GLI2: variants seen among roughly 807,000 people sequenced by gnomAD.
GLI2 encodes GLI family zinc finger 2, also known as transcription activator GLI2.
A neutral mutation model predicts 78.9 loss-of-function variants in GLI2; 22 were observed. The observed-to-expected ratio is 0.28, with a 90% CI of 0.20 to 0.40. GLI2 has a LOEUF of 0.40. Among genes scored for constraint, GLI2 ranks in the 10% least tolerant of loss-of-function variants. GLI2 has a pLI of 1.00. For synonymous variants in GLI2, 974 were observed against 963.7 expected, an observed-to-expected ratio of 1.01 and a Z score of -0.20; for missense variants, 2,097 against 2,213.2, an observed-to-expected ratio of 0.95 and a Z score of 1.05.
chr2:120,972,987 G>A (rs1331196304), intron 8 of GLI2, among the ~76,000 whole-genome samples: 1 of 152,102 alleles, frequency 6.6e-6, no homozygotes, highest in Non-Finnish European at 1.5e-5. Context: ...CTCTCATGGT[G>A]GCCCAGTCTT....
chr2:120,783,734 T>C (rs755629442), intron 1 of GLI2, among the ~76,000 whole-genome samples: 23 of 152,214 alleles, frequency 1.5e-4, no homozygotes, highest in Non-Finnish European at 2.8e-4. Flanking sequence ...TTCCTCCTCC[T>C]CCTCCCTCCA....
chr2:120,798,724 A>G (rs1176566646), intron 2 of GLI2, among the ~76,000 whole-genome samples: 1 of 151,962 alleles, frequency 6.6e-6, no homozygotes, highest in Non-Finnish European at 1.5e-5. Context: ...GGGGTGGAGG[A>G]AGAGCTCTTA....
intron 1 of GLI2, among the ~76,000 whole-genome samples, chr2:120,763,171 C>G (rs1300023996): frequency 6.6e-6 from 1 of 152,224 alleles, no homozygotes; most frequent in Non-Finnish European, 1.5e-5. Context: ...CAGGCCCTTT[C>G]TTGTGCCTCC....
intron 2 of GLI2, among the ~76,000 whole-genome samples, chr2:120,899,048 A>G (rs1176074100): frequency 1.3e-5 from 2 of 152,180 alleles, no homozygotes; most frequent in Non-Finnish European, 2.9e-5. Flanking sequence ...CTGGCTGCTC[A>G]CGCATTTACG....
chr2:120,838,139 G>A (rs1003020556), intron 2 of GLI2, among the ~76,000 whole-genome samples: 1 of 151,984 alleles, frequency 6.6e-6, no homozygotes, highest in African/African-American at 2.4e-5. Flanking sequence ...ATACTTATTG[G>A]TTATTTTATG....
At chr2:120,929,236 C>G (rs1023064701) in intron 3 of GLI2, among the ~76,000 whole-genome samples, 1 of 152,186 alleles carries the variant, frequency 6.6e-6, no homozygotes, top group Non-Finnish European at 1.5e-5. Context: ...GATCTTCACG[C>G]TTCTCACTGC....
intron 2 of GLI2, among the ~76,000 whole-genome samples, chr2:120,827,084 G>A (rs941082343): frequency 1.3e-5 from 2 of 152,206 alleles, no homozygotes; most frequent in African/African-American, 4.8e-5. Context: ...CCATGCCAGT[G>A]GTTTGTTGAC....
intron 5 of GLI2, among the ~76,000 whole-genome samples, chr2:120,961,487 A>G (rs1681559132): frequency 6.6e-6 from 1 of 152,192 alleles, no homozygotes; most frequent in Non-Finnish European, 1.5e-5. Flanking sequence ...AAAGCCACAC[A>G]GACTGTCCCG....
rs373517254 is a variant in GLI2, at chr2:120,768,396, T to A, written c.-30-28895T>A. On this transcript the variant is annotated intron_variant, in intron 1 of 13. Coordinates refer to ENST00000361492, the MANE Select transcript of GLI2 (RefSeq NM_001374353.1). ...CCATGGGAAGGTGGGCTACTGTGGG[T>A]GGGCCTGTTGAACTGCAGGTGAGAA... is the stretch of plus-strand genomic sequence containing the variant. Among the ~76,000 whole-genome samples the A allele has an allele frequency of 7.9e-5, 12 of 152,346 alleles. No homozygotes were observed. The East Asian group carries it at 1.7e-3, about 22-fold the overall frequency.
At chr2:120,882,672 G>A (rs1013514268) in intron 2 of GLI2, among the ~76,000 whole-genome samples, 6 of 152,298 alleles carry the variant, frequency 3.9e-5, no homozygotes, top group Admixed American at 3.9e-4. Context: ...GGATCTGACC[G>A]CCATCCAGGA....
In GLI2 at chr2:120,989,716, C is replaced by G. The variant is rs1469916040; in HGVS notation, c.3751C>G (p.Gln1251Glu). The G allele has an allele frequency of 6.2e-7, 1 of 1,613,248 alleles. No homozygotes were observed. Among genetic ancestry groups the G allele is most frequent in the Non-Finnish European group, 8.5e-7 (1 of 1,179,988 alleles). The change falls in exon 14 of 14, where the codon CAA (glutamine) becomes GAA (glutamate). Residue 1251 changes from glutamine (Q) to glutamate (E), a missense_variant. By Grantham distance (29) the Gln-to-Glu change is conservative (BLOSUM62 2). Transcript: ENST00000361492. ...CAGTGGGGCCCTCAACCAGTTCCCC[C>G]AATCCTGCAGCAACATGCCAGCCAA... ...TISGALNQFP[Q>E]SCSNMPAKPG...
chr2:120,990,619 A>G lies in GLI2; in HGVS notation c.4654A>G (p.Ser1552Gly). The change falls in exon 14 of 14, where the codon AGC becomes GGC. Residue 1552 changes from serine to glycine, a missense_variant. Coordinates refer to ENST00000361492, the MANE Select transcript of GLI2 (RefSeq NM_001374353.1). ...CAGCAACATGGCTGTCGGGGACATG[A>G]GCTCCATGCTCACCAGCCTCGCCGA... ...GISNMAVGDM[S>G]SMLTSLAEES... The G allele has an allele frequency of 6.2e-7, 1 of 1,613,422 alleles. No homozygotes were observed. The highest frequency in any genetic ancestry group is 8.5e-7 in the Non-Finnish European group (1 of 1,179,662).
intron 1 of GLI2, among the ~76,000 whole-genome samples, chr2:120,750,408 G>C (rs1295894266): frequency 6.6e-6 from 1 of 152,284 alleles, no homozygotes; most frequent in Non-Finnish European, 1.5e-5. Flanking sequence ...GGAAGATTCT[G>C]TGGAGCAAGG....
intron 3 of GLI2, among the ~76,000 whole-genome samples, chr2:120,944,933 C>T (rs1253458119): frequency 6.6e-6 from 1 of 152,254 alleles, no homozygotes; most frequent in Non-Finnish European, 1.5e-5. Context: ...AGTGACACCT[C>T]AGTTTACTTT....
intron 1 of GLI2, among the ~76,000 whole-genome samples, chr2:120,740,080 G>C (rs1043103262): frequency 6.6e-6 from 1 of 151,702 alleles, no homozygotes; most frequent in Admixed American, 6.6e-5. Context: ...AAATTAATTT[G>C]AGGGTTTGCT....
intron 2 of GLI2, among the ~76,000 whole-genome samples, chr2:120,819,001 C>T (rs1307761040): frequency 6.6e-6 from 1 of 152,056 alleles, no homozygotes; most frequent in African/African-American, 2.4e-5. Context: ...AGTTTCTAAG[C>T]CAAGAATCCA....
At chr2:120,777,508 AGCGCGGCAGGGAGGG>A (rs1419242793) in intron 1 of GLI2, among the ~76,000 whole-genome samples, 4 of 144,938 alleles carry the variant, frequency 2.8e-5, no homozygotes, top group African/African-American at 1.1e-4. Context: ...CCTGGGGAGG[AGCGCGGCAGGGAGGG>A]GCGCGGCAGG....
chr2:120,842,058 C>CAAA (rs571517244), intron 2 of GLI2, among the ~76,000 whole-genome samples: 4 of 74,512 alleles, frequency 5.4e-5, no homozygotes, highest in Non-Finnish European at 1.2e-4. Context: ...TTTGTCAACT[C>CAAA]AAAAAAAAAA....
Position 120,990,998 on chromosome 2 carries a change from A to G in GLI2, c.*323A>G. The G allele has an allele frequency of 3.2e-6, 1 of 314,996 alleles. No individual in the cohort carries two copies. 19.5% of individuals were successfully genotyped at this position (314,996 alleles called of 1,614,324 possible). A position where few individuals can be genotyped will look rare whatever the true frequency, so the allele number is the denominator to read the frequency against. On this transcript the variant is annotated 3_prime_UTR_variant, in exon 14 of 14. Coordinates refer to ENST00000361492, the MANE Select transcript of GLI2 (RefSeq NM_001374353.1). ...CTTCACGGCTGACATTCGGCTAACG[A>G]GGGATTACTTTGGCCAAAACCTTTC...
Sources: allele counts gnomAD v4.1 joint callset (sites outside exome capture counted in the v4.1 genomes callset), GRCh38; gene constraint gnomAD v4.1.1; transcripts MANE v1.5; gene names NCBI Gene and HGNC (gene_info 2026-07-23, HGNC 2026-07-21).